PCDHGB2: variants seen among roughly 807,000 people sequenced by gnomAD.
The protein encoded by PCDHGB2 is protocadherin gamma subfamily B, 2.
In PCDHGB2, 55 loss-of-function variants were observed where a neutral mutation model predicts 59.3. The ratio of observed to expected loss-of-function variants is 0.93; its 90% CI spans 0.75 to 1.16. PCDHGB2 has a LOEUF of 1.16. Ranked by LOEUF, PCDHGB2 falls within the 50% of genes most tolerant of loss-of-function variation. The probability of loss-of-function intolerance (pLI) is 0.00; values close to 1 mark genes in which losing one functional copy is unlikely to be tolerated. For synonymous variants in PCDHGB2, 516 were observed against 512.0 expected (o/e 1.01, Z -0.11); for missense variants, 1,228 against 1,198.5 (o/e 1.02, Z -0.36).
intron 1 of PCDHGB2, chr5:141,402,950 G>A (rs992704558): frequency 2.5e-6 from 4 of 1,596,662 alleles, no homozygotes; most frequent in Non-Finnish European, 3.4e-6. Flanking sequence ...AAGCGAGGCA[G>A]CAATGGCAGC....
Position 141,372,073 on chromosome 5 carries a change from C to G in PCDHGB2, c.2421+9517C>G, listed in dbSNP as rs774208540. ...GTGGACGACCGCAACGACAATGCACCGCTGGTGCTGTACCCAGCTCTGGGG... is the reference window on the plus strand; with the variant it reads ...GTGGACGACCGCAACGACAATGCACGGCTGGTGCTGTACCCAGCTCTGGGG... On this transcript the variant is annotated intron_variant, in intron 1 of 3. Transcript: ENST00000522605. 4 of 1,613,648 alleles carry G rather than the reference C, an allele frequency of 2.5e-6. No individual in the cohort carries two copies. The South Asian group carries it at 4.4e-5, about 18-fold the overall frequency.
chr5:141,384,714 A>G (rs750526941), intron 1 of PCDHGB2: 8 of 1,614,076 alleles, frequency 5.0e-6, no homozygotes, highest in African/African-American at 1.3e-5. Context: ...CCTGGCTGTC[A>G]TACCTCCTGC....
intron 1 of PCDHGB2, chr5:141,393,027 A>C (rs868285753): frequency 1.2e-6 from 2 of 1,613,818 alleles, no homozygotes; most frequent in Non-Finnish European, 1.7e-6. Flanking sequence ...CAGAGGTAGG[A>C]CGCAGCTCTT....
At chr5:141,440,150 A>G (rs770863453) in intron 1 of PCDHGB2, 1 of 152,244 alleles carries the variant, frequency 6.6e-6, no homozygotes, top group African/African-American at 2.4e-5. Context: ...ACGCCCCCCA[A>G]TTATAGCTTG....
intron 1 of PCDHGB2, chr5:141,418,575 C>T (rs2154547779): frequency 6.2e-7 from 1 of 1,614,018 alleles, no homozygotes; most frequent in East Asian, 2.2e-5. Context: ...AATGACAACC[C>T]CCCAGTGTTC....
intron 1 of PCDHGB2, chr5:141,390,341 A>G (rs766269615): frequency 6.3e-7 from 1 of 1,587,420 alleles, no homozygotes; most frequent in Non-Finnish European, 8.6e-7. Flanking sequence ...CATATTCACA[A>G]GAAAATATAC....
intron 1 of PCDHGB2, among the ~76,000 whole-genome samples, chr5:141,481,556 G>T (rs553126587): frequency 6.6e-6 from 1 of 152,148 alleles, no homozygotes; most frequent in African/African-American, 2.4e-5. Flanking sequence ...AGTGGCTCAC[G>T]CCTGTAATCC....
intron 1 of PCDHGB2, chr5:141,413,304 A>G: frequency 6.2e-7 from 1 of 1,613,982 alleles, no homozygotes; most frequent in Non-Finnish European, 8.5e-7. Context: ...CTGAGGAATT[A>G]GAGAAAGGCT....
At chr5:141,364,276 T>C (rs1045557569) in intron 1 of PCDHGB2, 1 of 1,515,100 alleles carries the variant, frequency 6.6e-7, no homozygotes, top group Middle Eastern at 1.8e-4. Flanking sequence ...TTTAGATAAA[T>C]AAGGAAACAG....
chr5:141,393,932 C>T (rs758815375), intron 1 of PCDHGB2: 1 of 1,613,916 alleles, frequency 6.2e-7, no homozygotes, highest in East Asian at 2.2e-5. Context: ...GTGTGCATGA[C>T]CAAGACTCTG....
chr5:141,504,583 A>G (rs1230825472), intron 2 of PCDHGB2, among the ~76,000 whole-genome samples: 1 of 146,622 alleles, frequency 6.8e-6, no homozygotes, highest in African/African-American at 2.5e-5. Flanking sequence ...CCATCTGCCC[A>G]GGATTCACAG....
At chr5:141,415,540 T>C (rs1202920204) in intron 1 of PCDHGB2, 9 of 1,614,184 alleles carry the variant, frequency 5.6e-6, no homozygotes, top group Non-Finnish European at 7.6e-6. Context: ...CCAGGAGAGC[T>C]GTGAGAAAAA....
chr5:141,434,517 G>A (rs1476955199), intron 1 of PCDHGB2, among the ~76,000 whole-genome samples: 1 of 152,212 alleles, frequency 6.6e-6, no homozygotes, highest in East Asian at 1.9e-4. Context: ...GCTTAAAGGT[G>A]TTCTTAAACC....
At chr5:141,364,863 T>C in intron 1 of PCDHGB2, 2 of 1,613,952 alleles carry the variant, frequency 1.2e-6, no homozygotes, top group Non-Finnish European at 1.7e-6. Context: ...AATCTGCACT[T>C]CTCTCTGGAT....
intron 1 of PCDHGB2, among the ~76,000 whole-genome samples, chr5:141,483,553 C>G (rs955671854): frequency 2.0e-5 from 3 of 152,230 alleles, no homozygotes; most frequent in Admixed American, 2.0e-4. Context: ...CAGTGCCATT[C>G]ACAGAGACAG....
intron 1 of PCDHGB2, chr5:141,441,502 T>G (rs2098250414): frequency 5.8e-6 from 1 of 173,754 alleles, no homozygotes; most frequent in African/African-American, 2.4e-5. Context: ...CTACCAGGCC[T>G]CCTACGTCGT....
intron 1 of PCDHGB2, chr5:141,391,108 A>G (rs1253319004): frequency 6.6e-6 from 1 of 152,138 alleles, no homozygotes; most frequent in African/African-American, 2.4e-5. Flanking sequence ...CTAAACTAAT[A>G]TAGCTAGAGG....
At chr5:141,470,599 C>T (rs967683467) in intron 1 of PCDHGB2, among the ~76,000 whole-genome samples, 12 of 152,194 alleles carry the variant, frequency 7.9e-5, no homozygotes, top group Non-Finnish European at 1.2e-4. Context: ...GCGACCTGTG[C>T]GGGGACACAG....
rs1229317913 is a variant in PCDHGB2 at position 141,489,752 on chromosome 5, C to T, written c.2422-5055C>T. ...GGCACCAATACTGTGAGCTTTTACACTCTAAGCCCCAACAGCCACTTCTCT... is the reference window on the plus strand; with the variant it reads ...GGCACCAATACTGTGAGCTTTTACATTCTAAGCCCCAACAGCCACTTCTCT... On this transcript the variant is annotated intron_variant, in intron 1 of 3. Transcript: ENST00000522605. The surrounding 1 kb of genome is among the most constrained non-coding windows in gnomAD (Gnocchi z 4.5). 1.2e-6 allele frequency: 2 copies of T among 1,614,018 alleles called. No individual in the cohort carries two copies. Among genetic ancestry groups the T allele is most frequent in the Non-Finnish European group, 1.7e-6 (2 of 1,179,980 alleles).
Sources: gnomAD v4.1 joint callset for allele counts (sites outside exome capture counted in the v4.1 genomes callset) on GRCh38, gnomAD v4.1.1 for gene constraint, Gnocchi (gnomAD v3.1) non-coding constraint, MANE v1.5 for transcripts, NCBI Gene and HGNC (gene_info 2026-07-23, HGNC 2026-07-21) for gene names.